TRAF3: variants seen among roughly 807,000 people sequenced by gnomAD.
The protein encoded by TRAF3 is TNF receptor-associated factor 3.
In TRAF3, 13 loss-of-function variants were observed where a neutral mutation model predicts 62.3. The observed-to-expected ratio is 0.21, with a 90% confidence interval of 0.14 to 0.33. The LOEUF (loss-of-function observed/expected upper bound fraction) is 0.33. TRAF3 is among the 10% of genes least tolerant of loss of function. TRAF3 has a pLI of 1.00. For synonymous variants in TRAF3, 269 were observed against 283.4 expected (o/e 0.95, Z 0.51); for missense variants, 440 against 741.8 (o/e 0.59, Z 4.73).
intron 6 of TRAF3, among the ~76,000 whole-genome samples, chr14:102,881,925 G>A (rs191879973): frequency 3.3e-5 from 5 of 152,324 alleles, no homozygotes; most frequent in Admixed American, 1.3e-4. Context: ...TCAGGTTTAA[G>A]CACAAGCATA....
At chr14:102,811,756 TGTG>T (rs1899175640) in intron 1 of TRAF3, among the ~76,000 whole-genome samples, 3 of 147,634 alleles carry the variant, frequency 2.0e-5, no homozygotes, top group Non-Finnish European at 4.5e-5. Flanking sequence ...TGTGTGTGTG[TGTG>T]TGTTTGTACA....
At chr14:102,867,057 G>C (rs1888041103) in intron 2 of TRAF3, among the ~76,000 whole-genome samples, 1 of 152,322 alleles carries the variant, frequency 6.6e-6, no homozygotes, top group Non-Finnish European at 1.5e-5. Flanking sequence ...AAGTGTTGGT[G>C]AGAGTGTGGT....
intron 1 of TRAF3, chr14:102,808,929 CCTCAGCCTCCCG>C (rs1025352455): frequency 1.8e-4 from 28 of 152,188 alleles, no homozygotes; most frequent in African/African-American, 6.5e-4. Context: ...GATTCTCCTG[CCTCAGCCTCCCG>C]AGCAGCTGGG....
intron 1 of TRAF3, chr14:102,809,020 T>C (rs1171768044): frequency 6.6e-6 from 1 of 150,868 alleles, no homozygotes; most frequent in Non-Finnish European, 1.5e-5. Flanking sequence ...GGCGTCTCGC[T>C]CTGTCACCCA....
intron 2 of TRAF3, among the ~76,000 whole-genome samples, chr14:102,855,934 A>G (rs138057453): frequency 2.0e-5 from 3 of 152,106 alleles, no homozygotes; most frequent in African/African-American, 4.8e-5. Context: ...TCTACAGACA[A>G]TAAAATAACT....
rs141003575 is a variant in TRAF3, at chr14:102,817,367, G to A, written c.-156-12967G>A. ...GGAGAATGGGATGTGTGTGTTAACA[G>A]CTTCTTGAAAGAGTTTTCTCTAAAG... On this transcript the variant is annotated intron_variant, in intron 1 of 11. Transcript: ENST00000392745. Among the ~76,000 whole-genome samples the A allele has an allele frequency of 5.4e-3, 816 of 152,230 alleles. 6 individuals carry two copies. Among genetic ancestry groups the A allele is most frequent in the Admixed American group, 9.9e-3 (151 of 15,288 alleles).
intron 2 of TRAF3, among the ~76,000 whole-genome samples, chr14:102,833,044 C>T (rs908147479): frequency 3.9e-5 from 6 of 152,128 alleles, no homozygotes; most frequent in African/African-American, 9.7e-5. Context: ...TGGGTGTGAC[C>T]TCCATGTGCA....
At position 102,857,871 on chromosome 14, in the gene TRAF3, TACTC is replaced by T. The variant is rs1264097761; in HGVS notation, c.-17-12311_-17-12308del. On this transcript the variant is annotated intron_variant, in intron 2 of 11. Transcript: ENST00000392745. ...AAATAACTATATTGCCATAAGTTAATACTCACAAATAGTTTCCAAATTCCAGAGA... is the reference window on the plus strand; with the variant it reads ...AAATAACTATATTGCCATAAGTTAATACAAATAGTTTCCAAATTCCAGAGA... Among the ~76,000 whole-genome samples the T allele has an allele frequency of 5.3e-5, 8 of 152,376 alleles. 1 individual carries two copies. The highest frequency in any genetic ancestry group is 1.9e-4 in the African/African-American group (8 of 41,590).
At chr14:102,873,768 T>TG (rs1888481171) in intron 4 of TRAF3, among the ~76,000 whole-genome samples, 1 of 152,250 alleles carries the variant, frequency 6.6e-6, no homozygotes, top group South Asian at 2.1e-4. Flanking sequence ...CCTTCTTTTT[T>TG]TTTTAGTCAT....
rs150561735 is a variant in TRAF3, at chr14:102,905,493, G to A, written c.1416G>A (p.Ser472=). The change falls in exon 12 of 12, where the codon TCG becomes TCA. Residue 472 remains serine, a synonymous_variant. Coordinates refer to ENST00000392745, the MANE Select transcript of TRAF3 (RefSeq NM_145725.3). ...GDGMGKGTHL[S]LFFVIMRGEY... is the part of the protein sequence containing the mutation. ...GGATGGGGAAGGGGACGCACTTGTC[G>A]CTGTTTTTTGTCATCATGCGTGGAG... The A allele has an allele frequency of 1.1e-4, 173 of 1,614,206 alleles. 1 individual carries two copies. The East Asian group carries it at 2.8e-3, about 26-fold the overall frequency.
chr14:102,797,937 A>G (rs929738757), intron 1 of TRAF3, among the ~76,000 whole-genome samples: 1 of 152,086 alleles, frequency 6.6e-6, no homozygotes, highest in Non-Finnish European at 1.5e-5. Flanking sequence ...GGGTTTCACC[A>G]TGTTGGTCAG....
At chr14:102,823,042 A>G (rs1479757550) in intron 1 of TRAF3, among the ~76,000 whole-genome samples, 2 of 151,538 alleles carry the variant, frequency 1.3e-5, no homozygotes, top group Non-Finnish European at 2.9e-5. Context: ...TATTGTAATG[A>G]TGATTTGAGC....
intron 6 of TRAF3, among the ~76,000 whole-genome samples, chr14:102,878,957 G>A (rs1399447068): frequency 6.6e-6 from 1 of 152,082 alleles, no homozygotes; most frequent in African/African-American, 2.4e-5. Context: ...TGGGGTATGA[G>A]GTAAAGGTGA....
chr14:102,823,345 T>A (rs1900098221), intron 1 of TRAF3, among the ~76,000 whole-genome samples: 3 of 152,220 alleles, frequency 2.0e-5, no homozygotes, highest in Non-Finnish European at 4.4e-5. Context: ...GTAGACAGAA[T>A]CAAGTAAATG....
intron 1 of TRAF3, among the ~76,000 whole-genome samples, chr14:102,794,324 G>A (rs1399479610): frequency 1.3e-5 from 2 of 152,196 alleles, no homozygotes; most frequent in African/African-American, 4.8e-5. Flanking sequence ...ACAGGTGCAT[G>A]CCACCTTGCA....
At chr14:102,781,186 C>G (rs1280354442) in intron 1 of TRAF3, among the ~76,000 whole-genome samples, 1 of 152,192 alleles carries the variant, frequency 6.6e-6, no homozygotes, top group African/African-American at 2.4e-5. Flanking sequence ...GGGCCCCCTC[C>G]CACTTTGTTT....
chr14:102,910,750 A>C lies in TRAF3; in HGVS notation c.*4966A>C, dbSNP rs1380699787. 2.0e-5 allele frequency: 3 copies of C among 152,258 alleles called. No homozygotes were observed. The highest frequency in any genetic ancestry group is 7.2e-5 in the African/African-American group (3 of 41,460). 9.4% of individuals were successfully genotyped at this position (152,258 alleles called of 1,614,324 possible). Reference sequence around the variant, plus strand: ...GCCTGCGTTTCATTTCTCCTGCTGCACTGTGTCTAGTCTGTCTTGTGAACT... The same window carrying C: ...GCCTGCGTTTCATTTCTCCTGCTGCCCTGTGTCTAGTCTGTCTTGTGAACT... On this transcript the variant is annotated 3_prime_UTR_variant, in exon 12 of 12. Coordinates refer to ENST00000392745, the MANE Select transcript of TRAF3 (RefSeq NM_145725.3).
chr14:102,829,968 GA>G, intron 1 of TRAF3, among the ~76,000 whole-genome samples: 1 of 152,254 alleles, frequency 6.6e-6, no homozygotes, highest in Admixed American at 6.5e-5. Context: ...CATGTCTACA[GA>G]AAGATAAAAT....
At chr14:102,779,714 TTAAG>T (rs1897192889) in intron 1 of TRAF3, among the ~76,000 whole-genome samples, 1 of 152,206 alleles carries the variant, frequency 6.6e-6, no homozygotes, top group Non-Finnish European at 1.5e-5. Flanking sequence ...AAGCTGTACT[TTAAG>T]AAAGATAAAA....
Sources: allele counts gnomAD v4.1 joint callset (sites outside exome capture counted in the v4.1 genomes callset), GRCh38; gene constraint gnomAD v4.1.1; transcripts MANE v1.5; gene names NCBI Gene and HGNC (gene_info 2026-07-23, HGNC 2026-07-21).